Variants in FGF12 observed in about 807,000 individuals in gnomAD.
FGF12 encodes the protein fibroblast growth factor 12, also known as fibroblast growth factor 12B.
FGF12 carries 14 observed loss-of-function variants against 23.6 expected under a neutral mutation model. The ratio of observed to expected loss-of-function variants is 0.59; its 90% CI spans 0.39 to 0.93. The LOEUF (loss-of-function observed/expected upper bound fraction) is 0.93, where lower values mean the gene tolerates loss of function less well. Among genes scored for constraint, FGF12 ranks in the 40% least tolerant of loss-of-function variants. FGF12 has a pLI of 0.00. For synonymous variants in FGF12, 62 were observed against 77.3 expected (o/e 0.80, Z 1.04); for missense variants, 175 against 217.8 (o/e 0.80, Z 1.24).
At chr3:192,647,708 T>C (rs1241836746) in intron 2 of FGF12, among the ~76,000 whole-genome samples, 2 of 147,942 alleles carry the variant, frequency 1.4e-5, no homozygotes, top group African/African-American at 2.5e-5. Context: ...TATGTGTATA[T>C]ATACATATAT....
chr3:192,413,986 A>G (rs1034716341), intron 2 of FGF12, among the ~76,000 whole-genome samples: 10 of 152,190 alleles, frequency 6.6e-5, no homozygotes, highest in Non-Finnish European at 1.2e-4. Context: ...TATATAGCAA[A>G]TTTATTCATG....
At chr3:192,658,159 G>C (rs533862401) in intron 2 of FGF12, among the ~76,000 whole-genome samples, 1 of 152,280 alleles carries the variant, frequency 6.6e-6, no homozygotes, top group South Asian at 2.1e-4. Flanking sequence ...TGGTAAATGT[G>C]CTACATAATC....
At chr3:192,510,736 G>A (rs75918639) in intron 2 of FGF12, among the ~76,000 whole-genome samples, 122 of 152,296 alleles carry the variant, frequency 8.0e-4, no homozygotes, top group Non-Finnish European at 1.3e-3. Context: ...TCTTTAGTGG[G>A]TGAATGGATA....
At chr3:192,663,203 T>C (rs1355031499) in intron 2 of FGF12, among the ~76,000 whole-genome samples, 1 of 152,232 alleles carries the variant, frequency 6.6e-6, no homozygotes, top group Non-Finnish European at 1.5e-5. Flanking sequence ...TATGTGGTTG[T>C]CAGGCAGTTG....
At chr3:192,543,912 C>T (rs1424894688) in intron 2 of FGF12, among the ~76,000 whole-genome samples, 1 of 152,182 alleles carries the variant, frequency 6.6e-6, no homozygotes, top group Non-Finnish European at 1.5e-5. Flanking sequence ...CTTTACTCTT[C>T]CCTATCCTCT....
Position 192,270,493 on chromosome 3 carries a change from A to G in FGF12, c.228+64868T>C, listed in dbSNP as rs988641910. On this transcript the variant is annotated intron_variant, in intron 4 of 5. Coordinates refer to ENST00000445105, the MANE Select transcript of FGF12 (RefSeq NM_004113.6). ...AATAATTCAATCTAAGTTACTATGA[A>G]CCACAGCAGATCTCATGAAGGGTAC... is the stretch of plus-strand genomic sequence containing the variant. 6.6e-5 allele frequency among the ~76,000 whole-genome samples: 10 copies of G among 152,264 alleles called. No individual in the cohort carries two copies. The South Asian group carries it at 1.7e-3, about 25-fold the overall frequency.
At chr3:192,177,450 T>A (rs745837421) in intron 4 of FGF12, among the ~76,000 whole-genome samples, 15 of 152,200 alleles carry the variant, frequency 9.9e-5, no homozygotes, top group Admixed American at 3.9e-4. Flanking sequence ...CAGAACCGCT[T>A]TTGCTCCCAT....
chr3:192,627,699 A>T (rs62293027), intron 2 of FGF12, among the ~76,000 whole-genome samples: 3,505 of 152,306 alleles, frequency 0.023, 48 homozygotes, highest in Middle Eastern at 0.065. Flanking sequence ...ATTCACATGC[A>T]ACTGTAAGAA....
chr3:192,457,618 A>G (rs752720327), intron 2 of FGF12, among the ~76,000 whole-genome samples: 20 of 152,202 alleles, frequency 1.3e-4, no homozygotes, highest in Admixed American at 2.0e-4. Context: ...AAACAGCAAA[A>G]GCGTTCAAAA....
intron 4 of FGF12, among the ~76,000 whole-genome samples, chr3:192,323,046 G>A (rs185830211): frequency 1.4e-4 from 22 of 152,214 alleles, no homozygotes; most frequent in Non-Finnish European, 2.8e-4. Context: ...AGTTAAAATG[G>A]CTGTTATCCA....
At chr3:192,421,760 G>A (rs940526916) in intron 2 of FGF12, among the ~76,000 whole-genome samples, 1 of 151,838 alleles carries the variant, frequency 6.6e-6, no homozygotes, top group African/African-American at 2.4e-5. Flanking sequence ...CATGGCATGT[G>A]TATACCTATG....
chr3:192,204,455 T>C (rs1717538167), intron 4 of FGF12, among the ~76,000 whole-genome samples: 1 of 152,164 alleles, frequency 6.6e-6, no homozygotes, highest in Admixed American at 6.5e-5. Context: ...CCACTAAATA[T>C]TTTAGTCACA....
intron 2 of FGF12, among the ~76,000 whole-genome samples, chr3:192,445,943 T>G (rs1722341754): frequency 6.6e-6 from 1 of 152,190 alleles, no homozygotes; most frequent in Admixed American, 6.5e-5. Context: ...CTTGGCTCTC[T>G]GCAGTGCCCC....
At chr3:192,185,520 C>T (rs1207927894) in intron 4 of FGF12, among the ~76,000 whole-genome samples, 1 of 151,774 alleles carries the variant, frequency 6.6e-6, no homozygotes, top group African/African-American at 2.4e-5. Flanking sequence ...CAACTGTTTA[C>T]ATTTTCTTTT....
At chr3:192,526,547 C>T (rs150364082) in intron 2 of FGF12, among the ~76,000 whole-genome samples, 1,620 of 152,204 alleles carry the variant, frequency 0.011, 17 homozygotes, top group African/African-American at 0.032. Flanking sequence ...TATAAACACA[C>T]ACACGCATAC....
chr3:192,324,389 G>A (rs913080070), intron 4 of FGF12, among the ~76,000 whole-genome samples: 2 of 152,112 alleles, frequency 1.3e-5, no homozygotes, highest in Admixed American at 6.5e-5. Context: ...ATGCTCAGGA[G>A]CTGTTTGAGG....
At chr3:192,160,679 T>C (rs912979343) in intron 5 of FGF12, among the ~76,000 whole-genome samples, 4 of 152,088 alleles carry the variant, frequency 2.6e-5, no homozygotes, top group African/African-American at 9.7e-5. Context: ...CCTTGAGTAC[T>C]AACTGTGTCC....
intron 4 of FGF12, among the ~76,000 whole-genome samples, chr3:192,231,548 C>G (rs1469651843): frequency 6.6e-6 from 1 of 151,922 alleles, no homozygotes; most frequent in African/African-American, 2.4e-5. Flanking sequence ...GGCAGGTGGA[C>G]TGCTTGAGGT....
chr3:192,228,815 T>C (rs1718868733), intron 4 of FGF12, among the ~76,000 whole-genome samples: 2 of 152,100 alleles, frequency 1.3e-5, no homozygotes, highest in African/African-American at 4.8e-5. Context: ...AGTTACAGGA[T>C]TTAAGAAATT....
Sources: gnomAD v4.1 joint callset for allele counts (sites outside exome capture counted in the v4.1 genomes callset) on GRCh38, gnomAD v4.1.1 for gene constraint, MANE v1.5 for transcripts, NCBI Gene and HGNC (gene_info 2026-07-23, HGNC 2026-07-21) for gene names.